PLXDC2: variants seen among roughly 807,000 people sequenced by gnomAD.
The protein encoded by PLXDC2 is plexin domain-containing protein 2.
In PLXDC2, 40 loss-of-function variants were observed where a neutral mutation model predicts 68.9. The observed-to-expected ratio is 0.58, with a 90% CI of 0.45 to 0.76. The LOEUF (loss-of-function observed/expected upper bound fraction) is 0.76. PLXDC2 is among the 30% of genes least tolerant of loss of function. The probability of loss-of-function intolerance (pLI) is 0.00; values close to 1 mark genes in which losing one functional copy is unlikely to be tolerated. For missense variants in PLXDC2, 644 were observed against 661.9 expected (o/e 0.97, Z 0.30); for synonymous variants, 243 against 234.2 (o/e 1.04, Z -0.34).
intron 2 of PLXDC2, among the ~76,000 whole-genome samples, chr10:20,044,219 T>TTCTC (rs1491375254): frequency 7.5e-4 from 11 of 14,686 alleles, no homozygotes; most frequent in Admixed American, 7.1e-3. Flanking sequence ...CTGTCTTTCT[T>TTCTC]TCTTTCTTTC....
chr10:20,019,172 C>T (rs1835261855), intron 2 of PLXDC2, among the ~76,000 whole-genome samples: 1 of 103,652 alleles, frequency 9.6e-6, no homozygotes, highest in Admixed American at 9.8e-5. Context: ...GAATGAAAAC[C>T]AAATTGACTG....
At chr10:20,068,598 AGT>A (rs1836259130) in intron 4 of PLXDC2, among the ~76,000 whole-genome samples, 1 of 148,092 alleles carries the variant, frequency 6.8e-6, no homozygotes, top group South Asian at 2.1e-4. Flanking sequence ...TAATGTATAT[AGT>A]TGCTATATAT....
intron 1 of PLXDC2, among the ~76,000 whole-genome samples, chr10:19,827,410 T>G (rs2131306244): frequency 6.6e-6 from 1 of 152,342 alleles, no homozygotes; most frequent in Admixed American, 6.5e-5. Context: ...CTACAAACTC[T>G]TGGGCTTTTG....
chr10:20,189,212 T>C (rs920106093), intron 9 of PLXDC2, among the ~76,000 whole-genome samples: 1 of 151,238 alleles, frequency 6.6e-6, no homozygotes, highest in Non-Finnish European at 1.5e-5. Context: ...TGAGGTATGA[T>C]GTTATTTTAT....
At chr10:19,882,053 T>C (rs895997368) in intron 1 of PLXDC2, among the ~76,000 whole-genome samples, 1 of 152,244 alleles carries the variant, frequency 6.6e-6, no homozygotes, top group Admixed American at 6.5e-5. Context: ...GACATGTTTC[T>C]GGTAATGTTG....
At chr10:19,952,798 A>C (rs529401931) in intron 1 of PLXDC2, among the ~76,000 whole-genome samples, 1 of 152,368 alleles carries the variant, frequency 6.6e-6, no homozygotes, top group East Asian at 1.9e-4. Flanking sequence ...ATTTTCCAGA[A>C]GGAAATAAGA....
rs141406222 is a variant in PLXDC2, at chr10:19,902,857, A to G, written c.112+85666A>G. The stretch of plus-strand genomic sequence containing the variant: ...TATTCCCTTAAGGTATGTCCCTTCT[A>G]TGCTGATTTTGCTGAGGGTTTTAAT... On this transcript the variant is annotated intron_variant, in intron 1 of 13. Transcript: ENST00000377252. Among the ~76,000 whole-genome samples the G allele has an allele frequency of 5.0e-3, 769 of 152,308 alleles. 10 individuals are homozygous for G. Among genetic ancestry groups the G allele is most frequent in the African/African-American group, 0.016 (684 of 41,560 alleles).
intron 4 of PLXDC2, among the ~76,000 whole-genome samples, chr10:20,135,546 G>A (rs77113189): frequency 6.6e-6 from 1 of 152,282 alleles, no homozygotes; most frequent in South Asian, 2.1e-4. Flanking sequence ...CAGGAAGAAG[G>A]TTTGGGCTTT....
At chr10:20,123,145 A>G (rs1248705159) in intron 4 of PLXDC2, among the ~76,000 whole-genome samples, 8 of 152,186 alleles carry the variant, frequency 5.3e-5, no homozygotes, top group African/African-American at 1.7e-4. Flanking sequence ...GGGAGGTGTG[A>G]TAAAAGGATT....
chr10:20,076,269 A>C (rs1342588053), intron 4 of PLXDC2, among the ~76,000 whole-genome samples: 1 of 152,220 alleles, frequency 6.6e-6, no homozygotes. Flanking sequence ...CTTAAGCCAG[A>C]AATTGAGTTG....
chr10:20,146,270 A>G (rs1834075710), intron 5 of PLXDC2, among the ~76,000 whole-genome samples: 1 of 151,982 alleles, frequency 6.6e-6, no homozygotes, highest in Admixed American at 6.6e-5. Context: ...ATACTTATAA[A>G]ATCATGGGAG....
intron 1 of PLXDC2, among the ~76,000 whole-genome samples, chr10:19,891,829 G>A (rs1387751791): frequency 6.6e-6 from 1 of 152,146 alleles, no homozygotes; most frequent in South Asian, 2.1e-4. Flanking sequence ...CAAAGCCAAA[G>A]CCAAATAATA....
intron 4 of PLXDC2, among the ~76,000 whole-genome samples, chr10:20,079,953 G>T (rs1018352277): frequency 1.3e-5 from 2 of 151,646 alleles, no homozygotes; most frequent in Non-Finnish European, 2.9e-5. Flanking sequence ...ATTAAAAAAA[G>T]AAACAAAAAA....
chr10:19,971,942 G>C (rs569741717), intron 1 of PLXDC2, among the ~76,000 whole-genome samples: 1 of 152,258 alleles, frequency 6.6e-6, no homozygotes, highest in East Asian at 1.9e-4. Context: ...GGCGGCTAAA[G>C]CACAGGGCAG....
intron 4 of PLXDC2, among the ~76,000 whole-genome samples, chr10:20,101,941 C>T (rs2131740033): frequency 6.6e-6 from 1 of 151,910 alleles, no homozygotes; most frequent in African/African-American, 2.4e-5. Flanking sequence ...GGGATTACAG[C>T]CCCCCGACCC....
At chr10:19,972,614 C>G (rs1279204652) in intron 1 of PLXDC2, among the ~76,000 whole-genome samples, 2 of 151,990 alleles carry the variant, frequency 1.3e-5, no homozygotes, top group Non-Finnish European at 2.9e-5. Context: ...AAAAAACAAA[C>G]CTGCACACAC....
chr10:19,881,747 T>A (rs17679189), intron 1 of PLXDC2, among the ~76,000 whole-genome samples: 6,808 of 152,332 alleles, frequency 0.045, 192 homozygotes, highest in Middle Eastern at 0.12. Flanking sequence ...TTCCTAATTA[T>A]TGAAACTGCC....
At chr10:19,991,346 C>CT (rs1834747990) in intron 1 of PLXDC2, among the ~76,000 whole-genome samples, 2 of 108,014 alleles carry the variant, frequency 1.9e-5, no homozygotes, top group Non-Finnish European at 4.0e-5. Context: ...CATCATTTTC[C>CT]CTTTTTTTTT....
At chr10:20,038,222 C>G (rs1251910872) in intron 2 of PLXDC2, among the ~76,000 whole-genome samples, 1 of 149,832 alleles carries the variant, frequency 6.7e-6, no homozygotes, top group Non-Finnish European at 1.5e-5. Context: ...GGTGACAGAG[C>G]AAGACTCTGT....
Sources: allele counts gnomAD v4.1 joint callset (sites outside exome capture counted in the v4.1 genomes callset), GRCh38; gene constraint gnomAD v4.1.1; transcripts MANE v1.5; gene names NCBI Gene and HGNC (gene_info 2026-07-23, HGNC 2026-07-21).